The following SMIM19 variants were observed in gnomAD, a reference collection of about 807,000 sequenced individuals.
The protein encoded by SMIM19 is small integral membrane protein 19.
Under a neutral mutation model 13.2 loss-of-function variants are expected in SMIM19, and 6 were observed. That is an observed-to-expected ratio of 0.45 (90% CI 0.25 to 0.90). The LOEUF (loss-of-function observed/expected upper bound fraction) is 0.90, where lower values mean the gene tolerates loss of function less well. Among genes scored for constraint, SMIM19 ranks in the 40% least tolerant of loss-of-function variants. The pLI is 0.19. For missense variants in SMIM19, 138 were observed against 131.0 expected (o/e 1.05, Z -0.26); for synonymous variants, 46 against 43.1 (o/e 1.07, Z -0.27).
chr8:42,549,135 C>T (rs1563569235), intron 3 of SMIM19, among the ~76,000 whole-genome samples: 2 of 152,062 alleles, frequency 1.3e-5, no homozygotes, highest in African/African-American at 4.8e-5. Flanking sequence ...ACATTCTGGC[C>T]GGGAGTGGTG....
chr8:42,544,056 A>G (rs1252297825), intron 1 of SMIM19, among the ~76,000 whole-genome samples: 1 of 152,192 alleles, frequency 6.6e-6, no homozygotes, highest in Non-Finnish European at 1.5e-5. Context: ...TATAAACCAT[A>G]AAGTTACATT....
chr8:42,552,578 A>G lies in SMIM19; in HGVS notation c.294A>G (p.Gln98=). The G allele has an allele frequency of 1.2e-6, 2 of 1,614,136 alleles. No homozygotes were observed. The highest frequency in any genetic ancestry group is 1.1e-5 in the South Asian group (1 of 91,084). ...ACGACTATCAGCAGCCACAAAACCA[A>G]GCTGACAGTGTGCAACTCTCATTGG... ...RKYDYQQPQN[Q]ADSVQLSLE is the part of the protein sequence containing the mutation. The change falls in exon 4 of 4, where the codon CAA becomes CAG. Residue 98 remains glutamine, a synonymous_variant. Coordinates refer to ENST00000417410, the MANE Select transcript of SMIM19 (RefSeq NM_001135674.2).
chr8:42,553,894 A>C lies in SMIM19; in HGVS notation c.*1286A>C, dbSNP rs573476036. Reference sequence around the variant, plus strand: ...CTACTCAGGAGGCTGAGGCAGGAGAATTGCTCGAATCTGAGAGGTGGAGGT... The same window carrying C: ...CTACTCAGGAGGCTGAGGCAGGAGACTTGCTCGAATCTGAGAGGTGGAGGT... On this transcript the variant is annotated 3_prime_UTR_variant, in exon 4 of 4. Transcript: ENST00000417410. 1 of 152,170 alleles carries C rather than the reference A, an allele frequency of 6.6e-6. No individual in the cohort carries two copies. The highest frequency in any genetic ancestry group is 2.1e-4 in the South Asian group (1 of 4,820). 9.4% of individuals were successfully genotyped at this position (152,170 alleles called of 1,614,324 possible).
In SMIM19 at chr8:42,541,882, C is replaced by G. The variant is rs1217774620; in HGVS notation, c.-496C>G. On this transcript the variant is annotated 5_prime_UTR_variant, in exon 1 of 4. Transcript: ENST00000417410. ...CACCCGCCCGGTCCCGGCGCGGAGC[C>G]CCTCGGCGTCGCGTGGAGCTGCGAG... 6.6e-6 allele frequency: 1 copy of G among 152,102 alleles called. No homozygotes were observed. The highest frequency in any genetic ancestry group is 1.5e-5 in the Non-Finnish European group (1 of 68,032). 9.4% of individuals were successfully genotyped at this position (152,102 alleles called of 1,614,324 possible).
rs1168830076 is a variant in SMIM19 at position 42,546,571 on chromosome 8, C to T, written c.99C>T (p.Ile33=). ...CCACCAATGTTTACTTGATAGTTATCCTTGTTAGCTTCGGTCTCTTCATGT... is the reference window on the plus strand; with the variant it reads ...CCACCAATGTTTACTTGATAGTTATTCTTGTTAGCTTCGGTCTCTTCATGT... ...NEATNVYLIV[I]LVSFGLFMYA... The change falls in exon 2 of 4, where the codon ATC becomes ATT. Residue 33 remains isoleucine, a synonymous_variant. Transcript: ENST00000417410. 1 of 1,614,142 alleles carries T rather than the reference C, an allele frequency of 6.2e-7. No homozygotes were observed. Among genetic ancestry groups the T allele is most frequent in the South Asian group, 1.1e-5 (1 of 91,070 alleles).
chr8:42,548,814 G>A (rs1255999999), intron 3 of SMIM19, 34 bp downstream of exon 3: 2 of 1,571,564 alleles, frequency 1.3e-6, no homozygotes, highest in African/African-American at 1.4e-5. Flanking sequence ...ATACACATAT[G>A]CACATTTAAA....
At chr8:42,551,404 T>G (rs1007261761) in intron 3 of SMIM19, among the ~76,000 whole-genome samples, 2 of 152,150 alleles carry the variant, frequency 1.3e-5, no homozygotes, top group Non-Finnish European at 2.9e-5. Context: ...TTTCTCTAGT[T>G]TCAAGTTAAG....
intron 3 of SMIM19, 27 bp from the exon 4 acceptor site, chr8:42,552,517 A>G (rs986239444): frequency 1.2e-6 from 2 of 1,611,562 alleles, no homozygotes; most frequent in Admixed American, 1.7e-5. Context: ...TATTAATTTT[A>G]TCTCTTCTTT....
At chr8:42,541,415 G>C (rs1813140683), upstream of SMIM19, 3 of 147,284 alleles carry the variant, frequency 2.0e-5, no homozygotes, top group Admixed American at 2.0e-4. Context: ...GGCGGGGGTC[G>C]CGGCGCGGTA....
intron 2 of SMIM19, among the ~76,000 whole-genome samples, chr8:42,547,932 G>A (rs1316036869): frequency 6.6e-6 from 1 of 152,184 alleles, no homozygotes; most frequent in African/African-American, 2.4e-5. Flanking sequence ...AAGGTAAAAA[G>A]GCATTCGAGA....
chr8:42,542,542 A>G (rs2131482183), intron 1 of SMIM19, 169 bp downstream of exon 1: 1 of 902,950 alleles, frequency 1.1e-6, no homozygotes. Context: ...AGAGACAAAA[A>G]TGATAACATT....
Position 42,541,760 on chromosome 8 carries a change from G to T in SMIM19, c.-618G>T, listed in dbSNP as rs1371959097. 6.7e-6 allele frequency: 1 copy of T among 148,954 alleles called. No homozygotes were observed. The highest frequency in any genetic ancestry group is 1.5e-5 in the Non-Finnish European group (1 of 66,924). The allele number at this position is 148,954 out of a possible 1,614,324, so 9.2% of individuals were successfully genotyped here. On this transcript the variant is annotated 5_prime_UTR_variant, in exon 1 of 4. Transcript: ENST00000417410. Reference sequence around the variant, plus strand: ...GGTCCCCGGCGGGGCCGCGTCACCCGGCCCCGCCCCGCGCCGCCCGCCCCG... The same window carrying T: ...GGTCCCCGGCGGGGCCGCGTCACCCTGCCCCGCCCCGCGCCGCCCGCCCCG...
Position 42,552,633 on chromosome 8 carries a change from G to GT in SMIM19, c.*26dup. 1 of 1,611,714 alleles carries GT rather than the reference G, an allele frequency of 6.2e-7. No individual in the cohort carries two copies. The highest frequency in any genetic ancestry group is 1.7e-4 in the Middle Eastern group (1 of 6,056). On this transcript the variant is annotated 3_prime_UTR_variant, in exon 4 of 4. Coordinates refer to ENST00000417410, the MANE Select transcript of SMIM19 (RefSeq NM_001135674.2). ...AAACCTCAGAAAAAGAGCAACAGAA[G>GT]TAATTGTTTCAAGCTCCTGATTCTT...
chr8:42,546,427 T>C, intron 1 of SMIM19, 42 bp from the exon 2 acceptor site: 1 of 1,569,622 alleles, frequency 6.4e-7, no homozygotes, highest in South Asian at 1.2e-5. Flanking sequence ...AGTGCTACCA[T>C]CATTAATTAA....
intron 3 of SMIM19, among the ~76,000 whole-genome samples, chr8:42,552,274 C>T (rs745778499): frequency 2.6e-5 from 4 of 151,728 alleles, no homozygotes; most frequent in Non-Finnish European, 5.9e-5. Context: ...AAAAATTAGC[C>T]GGGTGTGGTG....
intron 2 of SMIM19, among the ~76,000 whole-genome samples, chr8:42,548,091 C>T (rs1164507051): frequency 6.6e-6 from 1 of 152,198 alleles, no homozygotes; most frequent in Non-Finnish European, 1.5e-5. Flanking sequence ...AGGAGGCACC[C>T]TGACCATCAC....
chr8:42,541,186 C>G (rs1813107259), upstream of SMIM19: 1 of 152,304 alleles, frequency 6.6e-6, no homozygotes, highest in South Asian at 2.1e-4. Flanking sequence ...GCAGGAGGCG[C>G]CCGGCACTCG....
intron 1 of SMIM19, among the ~76,000 whole-genome samples, chr8:42,544,416 A>G (rs1026167520): frequency 2.1e-5 from 3 of 139,974 alleles, no homozygotes; most frequent in South Asian, 2.3e-4. Flanking sequence ...GTCTCAGGGA[A>G]AAAAAAAAAA....
intron 1 of SMIM19, among the ~76,000 whole-genome samples, chr8:42,545,151 T>TAAG (rs1425586000): frequency 1.3e-5 from 2 of 152,242 alleles, no homozygotes; most frequent in Non-Finnish European, 2.9e-5. Context: ...TCATTTTACT[T>TAAG]AGACTTACCT....
Sources: allele counts gnomAD v4.1 joint callset (sites outside exome capture counted in the v4.1 genomes callset), GRCh38; gene constraint gnomAD v4.1.1; transcripts MANE v1.5; gene names NCBI Gene and HGNC (gene_info 2026-07-23, HGNC 2026-07-21).